Variants in EPHB2 observed in about 807,000 individuals in gnomAD.
The protein encoded by EPHB2 is EPH receptor B2, also known as ephrin type-B receptor 2.
Under a neutral mutation model 96.4 loss-of-function variants are expected in EPHB2, and 18 were observed. The observed-to-expected ratio is 0.19, with a 90% CI of 0.13 to 0.28. The LOEUF is 0.28. EPHB2 is among the 10% of genes least tolerant of loss of function. The pLI is 1.00. For synonymous variants in EPHB2, 506 were observed against 534.1 expected (o/e 0.95, Z 0.72); for missense variants, 989 against 1,355.4 (o/e 0.73, Z 4.25).
At chr1:22,721,099 C>T (rs979065857) in intron 1 of EPHB2, among the ~76,000 whole-genome samples, 1 of 152,148 alleles carries the variant, frequency 6.6e-6, no homozygotes, top group Middle Eastern at 3.2e-3. Context: ...GTCACTCCCA[C>T]CTTGGCCAGA....
At chr1:22,727,414 G>A (rs372543487) in intron 1 of EPHB2, among the ~76,000 whole-genome samples, 4 of 152,216 alleles carry the variant, frequency 2.6e-5, no homozygotes, top group Non-Finnish European at 4.4e-5. Flanking sequence ...CTCCCAGGGG[G>A]CTCCTCCGCA....
chr1:22,808,627 T>A (rs1026394942), intron 3 of EPHB2, among the ~76,000 whole-genome samples: 3 of 152,230 alleles, frequency 2.0e-5, no homozygotes, highest in African/African-American at 7.2e-5. Flanking sequence ...GAGGAAGAGA[T>A]AATAAGATTA....
chr1:22,805,259 T>G (rs1001715820), intron 3 of EPHB2, among the ~76,000 whole-genome samples: 2 of 152,172 alleles, frequency 1.3e-5, no homozygotes, highest in Non-Finnish European at 2.9e-5. Flanking sequence ...GGGACAGAAG[T>G]GTGTCCTGGT....
chr1:22,797,375 G>C (rs1002694358), intron 3 of EPHB2, among the ~76,000 whole-genome samples: 21 of 152,274 alleles, frequency 1.4e-4, no homozygotes, highest in Admixed American at 1.4e-3. Context: ...CTGACAAAGT[G>C]ACTGCTCCCT....
chr1:22,851,773 C>T lies in EPHB2; in HGVS notation c.812-11264C>T, dbSNP rs114496192. ...CCTGAACTATTTGTAGCTCTCTGCA[C>T]GCACACCATGCTGTTTCACGCCTCT... On this transcript the variant is annotated intron_variant, in intron 3 of 15. Coordinates refer to ENST00000374630, the MANE Select transcript of EPHB2 (RefSeq NM_017449.5). Among the ~76,000 whole-genome samples, 1,442 of 152,330 alleles carry T rather than the reference C, an allele frequency of 9.5e-3. 21 individuals carry two copies. Among genetic ancestry groups the T allele is most frequent in the African/African-American group, 0.031 (1,276 of 41,578 alleles).
intron 3 of EPHB2, among the ~76,000 whole-genome samples, chr1:22,856,585 G>A (rs750230552): frequency 3.9e-5 from 6 of 152,168 alleles, no homozygotes; most frequent in African/African-American, 9.7e-5. Flanking sequence ...GTAGTATTTG[G>A]ACACAAGCTG....
chr1:22,774,311 A>G (rs1644418370), intron 1 of EPHB2, among the ~76,000 whole-genome samples: 1 of 152,134 alleles, frequency 6.6e-6, no homozygotes, highest in South Asian at 2.1e-4. Context: ...GGGCCTGCTG[A>G]TCTGCCTCTG....
chr1:22,814,882 G>T (rs925442978), intron 3 of EPHB2, among the ~76,000 whole-genome samples: 5 of 152,220 alleles, frequency 3.3e-5, no homozygotes, highest in African/African-American at 1.2e-4. Flanking sequence ...GCTCATCTGG[G>T]GTACATTTGC....
At chr1:22,785,857 C>G (rs373069612) in intron 3 of EPHB2, among the ~76,000 whole-genome samples, 2 of 152,212 alleles carry the variant, frequency 1.3e-5, no homozygotes, top group African/African-American at 4.8e-5. Context: ...ATTTAATCCT[C>G]ACAAGGACCC....
intron 3 of EPHB2, among the ~76,000 whole-genome samples, chr1:22,859,737 G>A (rs979997001): frequency 1.3e-5 from 2 of 152,138 alleles, no homozygotes. Context: ...AGGCTGCAGT[G>A]AGCCGAGATT....
At chr1:22,844,388 G>A (rs1170122412) in intron 3 of EPHB2, among the ~76,000 whole-genome samples, 1 of 152,242 alleles carries the variant, frequency 6.6e-6, no homozygotes, top group Non-Finnish European at 1.5e-5. Flanking sequence ...AACCCAGAGT[G>A]CTGCTGCTGT....
intron 6 of EPHB2, among the ~76,000 whole-genome samples, chr1:22,889,621 G>A (rs2148561702): frequency 6.6e-6 from 1 of 152,252 alleles, no homozygotes; most frequent in African/African-American, 2.4e-5. Context: ...TGGGAGGGGA[G>A]ACAATTTGGA....
At position 22,846,599 on chromosome 1, in the gene EPHB2, C is replaced by A. The variant is rs1259733640; in HGVS notation, c.812-16438C>A. On this transcript the variant is annotated intron_variant, in intron 3 of 15. Coordinates refer to ENST00000374630, the MANE Select transcript of EPHB2 (RefSeq NM_017449.5). The surrounding 1 kb of genome is among the most constrained non-coding windows in gnomAD (Gnocchi z 4.3). ...GGTAGGCGGCTTGTTGCCTCTCCAG[C>A]CTCGTGTCCTGCATCTCTGCAACCA... Among the ~76,000 whole-genome samples, 1 of 152,138 alleles carries A rather than the reference C, an allele frequency of 6.6e-6. No individual in the cohort carries two copies. The highest frequency in any genetic ancestry group is 2.4e-5 in the African/African-American group (1 of 41,432).
rs187049037 is a variant in EPHB2, at chr1:22,757,368, C to T, written c.62-24053C>T. 2.5e-3 allele frequency among the ~76,000 whole-genome samples: 373 copies of T among 152,006 alleles called. 2 individuals are homozygous for T. Among genetic ancestry groups the T allele is most frequent in the Non-Finnish European group, 4.0e-3 (269 of 68,000 alleles). ...GTCAGGGAGGGTTTCCCAAAGGTGGCGGCCATTGAAAGGTGAGACAATTAG... is the reference window on the plus strand; with the variant it reads ...GTCAGGGAGGGTTTCCCAAAGGTGGTGGCCATTGAAAGGTGAGACAATTAG... On this transcript the variant is annotated intron_variant, in intron 1 of 15. Coordinates refer to ENST00000374630, the MANE Select transcript of EPHB2 (RefSeq NM_017449.5).
intron 5 of EPHB2, among the ~76,000 whole-genome samples, chr1:22,866,615 A>C (rs1351572749): frequency 6.6e-6 from 1 of 151,892 alleles, no homozygotes; most frequent in East Asian, 1.9e-4. Flanking sequence ...GAAGGGAGGA[A>C]GGGCATGCCA....
At chr1:22,740,130 C>CT (rs983053499) in intron 1 of EPHB2, among the ~76,000 whole-genome samples, 2 of 152,212 alleles carry the variant, frequency 1.3e-5, no homozygotes, top group African/African-American at 4.8e-5. Flanking sequence ...CCTGAGGTCC[C>CT]TGGTGATCCT....
In EPHB2 at chr1:22,875,782, A is replaced by G. The variant is rs1052471339; in HGVS notation, c.1304-6577A>G. On this transcript the variant is annotated intron_variant, in intron 5 of 15. Coordinates refer to ENST00000374630, the MANE Select transcript of EPHB2 (RefSeq NM_017449.5). This position sits in a 1 kb window ranked among gnomAD's most constrained non-coding sequence, Gnocchi z 4.2. ...CCTGACCTCAGATAGTGTTGGTGCT[A>G]TGACAAAAATAAAATGAGTATGAGA... 6.6e-6 allele frequency among the ~76,000 whole-genome samples: 1 copy of G among 152,158 alleles called. No individual in the cohort carries two copies. Among genetic ancestry groups the G allele is most frequent in the African/African-American group, 2.4e-5 (1 of 41,428 alleles).
intron 1 of EPHB2, among the ~76,000 whole-genome samples, chr1:22,711,345 C>T (rs1025662274): frequency 2.7e-5 from 4 of 148,416 alleles, no homozygotes; most frequent in Non-Finnish European, 6.0e-5. Context: ...CGCTCGCCGC[C>T]CCCGGCTCGG....
chr1:22,744,476 A>T (rs1008827621), intron 1 of EPHB2, among the ~76,000 whole-genome samples: 1 of 148,250 alleles, frequency 6.7e-6, no homozygotes, highest in Non-Finnish European at 1.5e-5. Context: ...ATATATATAT[A>T]ATATACTGTA....
Sources: allele counts gnomAD v4.1 joint callset (sites outside exome capture counted in the v4.1 genomes callset), GRCh38; gene constraint gnomAD v4.1.1; non-coding constraint Gnocchi (gnomAD v3.1); transcripts MANE v1.5; gene names NCBI Gene and HGNC (gene_info 2026-07-23, HGNC 2026-07-21).